The following FGF12 variants were observed in gnomAD, a reference collection of about 807,000 sequenced individuals.
FGF12 encodes the protein fibroblast growth factor 12B.
In FGF12, 14 loss-of-function variants were observed where a neutral mutation model predicts 23.6. The observed-to-expected ratio is 0.59, with a 90% CI of 0.39 to 0.93. FGF12 has a LOEUF of 0.93. Ranked by LOEUF, FGF12 falls within the 40% of genes least tolerant of loss-of-function variation. The pLI is 0.00. For missense variants in FGF12, 175 were observed against 217.8 expected (o/e 0.80, Z 1.24); for synonymous variants, 62 against 77.3 (o/e 0.80, Z 1.04).
chr3:192,241,436 T>C (rs919120735), intron 4 of FGF12, among the ~76,000 whole-genome samples: 1 of 152,100 alleles, frequency 6.6e-6, no homozygotes, highest in East Asian at 1.9e-4. Flanking sequence ...ACAAAGATTA[T>C]GTAATTAACC....
chr3:192,574,980 T>A (rs1002443282), intron 2 of FGF12, among the ~76,000 whole-genome samples: 1 of 152,214 alleles, frequency 6.6e-6, no homozygotes, highest in African/African-American at 2.4e-5. Context: ...CAATAATGGA[T>A]AATGTACACA....
intron 4 of FGF12, among the ~76,000 whole-genome samples, chr3:192,230,597 A>G (rs1326385494): frequency 6.6e-6 from 1 of 152,180 alleles, no homozygotes; most frequent in Non-Finnish European, 1.5e-5. Flanking sequence ...CTCACCTGGA[A>G]ATAACAATTC....
chr3:192,148,767 C>T (rs1251770392), intron 5 of FGF12, among the ~76,000 whole-genome samples: 1 of 152,054 alleles, frequency 6.6e-6, no homozygotes, highest in Admixed American at 6.6e-5. Context: ...AGTTTTAGAA[C>T]TGTATTAAGG....
At chr3:192,584,001 C>A (rs1406059583) in intron 2 of FGF12, among the ~76,000 whole-genome samples, 1 of 152,166 alleles carries the variant, frequency 6.6e-6, no homozygotes, top group Non-Finnish European at 1.5e-5. Flanking sequence ...GAACATCAAG[C>A]TGATCTACCA....
chr3:192,232,395 A>G (rs1446609261), intron 4 of FGF12, among the ~76,000 whole-genome samples: 1 of 152,168 alleles, frequency 6.6e-6, no homozygotes, highest in Non-Finnish European at 1.5e-5. Context: ...ACTCTTAATA[A>G]AAGATCAGAT....
At chr3:192,475,913 T>A (rs1560122580) in intron 2 of FGF12, among the ~76,000 whole-genome samples, 1 of 151,570 alleles carries the variant, frequency 6.6e-6, no homozygotes. Flanking sequence ...ATGGTAGATA[T>A]AGATGATAGA....
At chr3:192,292,424 C>T (rs62292839) in intron 4 of FGF12, among the ~76,000 whole-genome samples, 2,341 of 152,032 alleles carry the variant, frequency 0.015, 33 homozygotes, top group Middle Eastern at 0.054. Flanking sequence ...GGACAGTGAC[C>T]TTGATTGCTT....
At chr3:192,300,879 G>A (rs1577333176) in intron 4 of FGF12, among the ~76,000 whole-genome samples, 1 of 152,094 alleles carries the variant, frequency 6.6e-6, no homozygotes, top group Non-Finnish European at 1.5e-5. Context: ...TTAGTTGGGT[G>A]TGGTGGCACA....
intron 2 of FGF12, among the ~76,000 whole-genome samples, chr3:192,391,418 A>G (rs906986009): frequency 7.2e-5 from 11 of 152,246 alleles, no homozygotes; most frequent in African/African-American, 2.7e-4. Flanking sequence ...TAAAATCCCT[A>G]CTGTGAAATT....
At chr3:192,282,232 T>C (rs1371104893) in intron 4 of FGF12, among the ~76,000 whole-genome samples, 2 of 152,308 alleles carry the variant, frequency 1.3e-5, no homozygotes, top group South Asian at 2.1e-4. Context: ...TAGGTGAACA[T>C]CTGGTACATA....
At chr3:192,694,803 T>A (rs932757832) in intron 2 of FGF12, among the ~76,000 whole-genome samples, 3 of 152,078 alleles carry the variant, frequency 2.0e-5, no homozygotes, top group African/African-American at 7.2e-5. Flanking sequence ...GTATCACTCT[T>A]ATATGTGGAA....
intron 2 of FGF12, among the ~76,000 whole-genome samples, chr3:192,598,768 C>CTAATTTGAAATTTGAAATTTG (rs1713971263): frequency 6.6e-6 from 1 of 152,048 alleles, no homozygotes; most frequent in South Asian, 2.1e-4. Context: ...ATTAAGCAAC[C>CTAATTTGAAATTTGAAATTTG]GTATTTCAAA....
chr3:192,640,433 A>T (rs913967494), intron 2 of FGF12, among the ~76,000 whole-genome samples: 1 of 152,236 alleles, frequency 6.6e-6, no homozygotes, highest in African/African-American at 2.4e-5. Flanking sequence ...TTCACAGGCT[A>T]ATTTTATATA....
At chr3:192,246,820 C>T (rs1304839553) in intron 4 of FGF12, among the ~76,000 whole-genome samples, 6 of 107,554 alleles carry the variant, frequency 5.6e-5, no homozygotes, top group East Asian at 5.4e-4. Flanking sequence ...AGTGAAACTC[C>T]GTCAAAAAAA....
chr3:192,160,467 C>T (rs114292854), intron 5 of FGF12, among the ~76,000 whole-genome samples: 1,547 of 152,272 alleles, frequency 0.01, 22 homozygotes, highest in African/African-American at 0.034. Flanking sequence ...TGGTTTACTA[C>T]TAAATTTCAT....
At chr3:192,543,673 G>A (rs927721904) in intron 2 of FGF12, among the ~76,000 whole-genome samples, 3 of 152,118 alleles carry the variant, frequency 2.0e-5, no homozygotes, top group East Asian at 1.9e-4. Context: ...AGCGAGTACT[G>A]CCCAGCTACC....
At chr3:192,366,062 A>T (rs920127207) in intron 2 of FGF12, among the ~76,000 whole-genome samples, 12 of 151,844 alleles carry the variant, frequency 7.9e-5, no homozygotes, top group Non-Finnish European at 1.5e-4. Flanking sequence ...CAGCTAACAC[A>T]CTGATGAGTT....
At chr3:192,266,077 C>T (rs1005368059) in intron 4 of FGF12, among the ~76,000 whole-genome samples, 5 of 152,122 alleles carry the variant, frequency 3.3e-5, no homozygotes, top group South Asian at 2.1e-4. Flanking sequence ...TTTTCTCCTC[C>T]TCTATCTGCT....
At chr3:192,304,302 G>A (rs1346151015) in intron 4 of FGF12, among the ~76,000 whole-genome samples, 1 of 151,998 alleles carries the variant, frequency 6.6e-6, no homozygotes, top group East Asian at 1.9e-4. Context: ...TTCCCCTGTT[G>A]GGCACCGAGC....
Sources: gnomAD v4.1 joint callset for allele counts (sites outside exome capture counted in the v4.1 genomes callset) on GRCh38, gnomAD v4.1.1 for gene constraint, MANE v1.5 for transcripts, NCBI Gene and HGNC (gene_info 2026-07-23, HGNC 2026-07-21) for gene names.